The following FRAS1 variants were observed in gnomAD, a reference collection of about 807,000 sequenced individuals.
The protein encoded by FRAS1 is extracellular matrix organizing protein FRAS1.
A neutral mutation model predicts 435.2 loss-of-function variants in FRAS1; 290 were observed. The observed-to-expected ratio is 0.67, with a 90% CI of 0.61 to 0.73. FRAS1 has a LOEUF of 0.73. Among genes scored for constraint, FRAS1 ranks in the 30% least tolerant of loss-of-function variants. The probability of loss-of-function intolerance (pLI) is 0.00; values close to 1 mark genes in which losing one functional copy is unlikely to be tolerated. For synonymous variants in FRAS1, 1,800 were observed against 1,851.0 expected, an observed-to-expected ratio of 0.97 and a Z score of 0.71; for missense variants, 4,860 against 5,001.5, an observed-to-expected ratio of 0.97 and a Z score of 0.85.
At chr4:78,240,877 A>G (rs1327820957) in intron 3 of FRAS1, among the ~76,000 whole-genome samples, 2 of 152,196 alleles carry the variant, frequency 1.3e-5, no homozygotes, top group Admixed American at 1.3e-4. Context: ...ATGGTCAAAG[A>G]AGAGAGTAAT....
rs1044776713 is a variant in FRAS1 at position 78,473,210 on chromosome 4, C to T, written c.7523-228C>T. On this transcript the variant is annotated intron_variant, in intron 52 of 73. Coordinates refer to ENST00000512123, the MANE Select transcript of FRAS1 (RefSeq NM_025074.7). ...TTTATAACAGCATAAGAGATATTTA[C>T]AATATCTCTGTACTTAAAGACAGAT... Among the ~76,000 whole-genome samples, 80 of 152,104 alleles carry T rather than the reference C, an allele frequency of 5.3e-4. 3 individuals are homozygous for T. The highest frequency in any genetic ancestry group is 1.5e-5 in the Non-Finnish European group (1 of 68,014).
Position 78,284,657 on chromosome 4 carries a change from A to G in FRAS1, c.1399+109A>G, listed in dbSNP as rs556206303. On this transcript the variant is annotated intron_variant, in intron 13 of 73. Coordinates refer to ENST00000512123, the MANE Select transcript of FRAS1 (RefSeq NM_025074.7). ...AGTATTGTCAAGGAGGGGGTCATGC[A>G]TGCAGCATGTTTTTGAGATGCACAA... 5.0e-6 allele frequency: 5 copies of G among 1,001,762 alleles called. No homozygotes were observed. In the African/African-American group the frequency reaches 6.6e-5, roughly 13 times the overall value. The allele number at this position is 1,001,762 out of a possible 1,614,324, so 62.1% of individuals were successfully genotyped here.
intron 2 of FRAS1, among the ~76,000 whole-genome samples, chr4:78,192,570 A>G (rs544534395): frequency 5.3e-5 from 8 of 152,210 alleles, no homozygotes; most frequent in East Asian, 1.9e-4. Context: ...AGAGGTGTTT[A>G]TAGTATTCTC....
At chr4:78,065,081 T>TATATGTATATATATACACACACAC in intron 1 of FRAS1, among the ~76,000 whole-genome samples, 1 of 125,696 alleles carries the variant, frequency 8.0e-6, no homozygotes, top group African/African-American at 3.0e-5. Flanking sequence ...TATATATATA[T>TATATGTATATATATACACACACAC]ATACATACAC....
At chr4:78,236,287 C>T (rs1220669235) in intron 2 of FRAS1, among the ~76,000 whole-genome samples, 2 of 142,810 alleles carry the variant, frequency 1.4e-5, no homozygotes, top group Admixed American at 1.4e-4. Context: ...GAAATAGTTG[C>T]ATTTATTTAT....
chr4:78,117,164 C>T (rs1317512264), intron 2 of FRAS1, among the ~76,000 whole-genome samples: 1 of 152,220 alleles, frequency 6.6e-6, no homozygotes, highest in Non-Finnish European at 1.5e-5. Context: ...TTGGCCCCCA[C>T]TCTCTTCTGG....
In FRAS1 at chr4:78,400,678, G is replaced by A. The variant is rs1732848348; in HGVS notation, c.3976-56G>A. 3 of 1,535,860 alleles carry A rather than the reference G, an allele frequency of 2.0e-6. No homozygotes were observed. The Admixed American group carries it at 5.9e-5, about 30-fold the overall frequency. On this transcript the variant is annotated intron_variant, in intron 29 of 73. Coordinates refer to ENST00000512123, the MANE Select transcript of FRAS1 (RefSeq NM_025074.7). ...GAACTGGATAACTTATGTGTTTAAGGATTGATATATTCTTACTTTGCTTGG... is the reference window on the plus strand; with the variant it reads ...GAACTGGATAACTTATGTGTTTAAGAATTGATATATTCTTACTTTGCTTGG...
At chr4:78,500,882 C>T (rs13132231) in intron 61 of FRAS1, among the ~76,000 whole-genome samples, 49,851 of 151,700 alleles carry the variant, frequency 0.33, 8,870 homozygotes, top group South Asian at 0.52. Flanking sequence ...GAACTTAACC[C>T]GGATGTCTGT....
chr4:78,335,981 G>T (rs1730157291), intron 19 of FRAS1, among the ~76,000 whole-genome samples: 1 of 149,748 alleles, frequency 6.7e-6, no homozygotes, highest in Admixed American at 6.7e-5. Flanking sequence ...AAAATAGACA[G>T]TTGGGGCCTG....
intron 53 of FRAS1, 99 bp downstream of exon 53, chr4:78,473,696 A>G (rs774171672): frequency 1.8e-5 from 14 of 773,678 alleles, no homozygotes; most frequent in Non-Finnish European, 2.8e-5. Context: ...TCACCTCTTG[A>G]TGGCGGTGAT....
chr4:78,370,498 G>A (rs1052245505), intron 23 of FRAS1, among the ~76,000 whole-genome samples: 6 of 152,126 alleles, frequency 3.9e-5, no homozygotes, highest in South Asian at 4.1e-4. Flanking sequence ...TGTAGCTGTC[G>A]TCCCTGCTGG....
rs550798758 is a variant in FRAS1 at position 78,093,293 on chromosome 4, G to A, written c.108+27277G>A. Among the ~76,000 whole-genome samples, 11 of 152,256 alleles carry A rather than the reference G, an allele frequency of 7.2e-5. No homozygotes were observed. In the East Asian group the frequency reaches 1.9e-3, roughly 27 times the overall value. ...CTGGTAGAGCCAAAACTGTGCAGGC[G>A]CCATGAAAAAATAAAATTCCAGTAA... On this transcript the variant is annotated intron_variant, in intron 2 of 73. Coordinates refer to ENST00000512123, the MANE Select transcript of FRAS1 (RefSeq NM_025074.7).
At chr4:78,079,046 T>C (rs553389635) in intron 2 of FRAS1, among the ~76,000 whole-genome samples, 1 of 152,306 alleles carries the variant, frequency 6.6e-6, no homozygotes, top group Admixed American at 6.5e-5. Context: ...TAAATCATCG[T>C]AGATTAACTT....
In FRAS1 at chr4:78,267,389, T is replaced by A. The variant is rs1560614745; in HGVS notation, c.938T>A (p.Val313Glu). The A allele has an allele frequency of 6.2e-7, 1 of 1,613,944 alleles. No individual in the cohort carries two copies. Reference protein sequence around the residue: ...CEFCMCDHGQVTCQTGECAKV... With the variant: ...CEFCMCDHGQETCQTGECAKV... Reference sequence around the variant, plus strand: ...TTCTGCATGTGTGATCATGGCCAAGTGACCTGCCAGACTGGAGAGTGTGCC... The same window carrying A: ...TTCTGCATGTGTGATCATGGCCAAGAGACCTGCCAGACTGGAGAGTGTGCC... Residue 313 changes from valine to glutamate, a missense_variant, in exon 9 of 74, where the codon GTG (valine) becomes GAG (glutamate). By Grantham distance (121) the Val-to-Glu change is moderately radical (BLOSUM62 -2). Transcript: ENST00000512123.
chr4:78,094,737 T>C (rs886186921), intron 2 of FRAS1, among the ~76,000 whole-genome samples: 17 of 152,322 alleles, frequency 1.1e-4, no homozygotes, highest in African/African-American at 3.6e-4. Flanking sequence ...TGGCAATTGA[T>C]TACTTAATTC....
intron 61 of FRAS1, among the ~76,000 whole-genome samples, chr4:78,500,932 A>G (rs1720658635): frequency 6.6e-6 from 1 of 152,118 alleles, no homozygotes; most frequent in Non-Finnish European, 1.5e-5. Flanking sequence ...AGGTATTTGC[A>G]CCTTCAGAAA....
At chr4:78,242,409 G>A (rs973734430) in intron 3 of FRAS1, among the ~76,000 whole-genome samples, 2 of 152,136 alleles carry the variant, frequency 1.3e-5, no homozygotes, top group Non-Finnish European at 2.9e-5. Context: ...TGTGGCACAA[G>A]TTCATGAATC....
intron 64 of FRAS1, among the ~76,000 whole-genome samples, chr4:78,512,154 C>G (rs538232118): frequency 6.6e-6 from 1 of 152,012 alleles, no homozygotes; most frequent in Admixed American, 6.5e-5. Context: ...TCTGGGCCAC[C>G]ATGATGGGAA....
At chr4:78,356,961 A>T (rs1314651319) in intron 20 of FRAS1, among the ~76,000 whole-genome samples, 1 of 152,078 alleles carries the variant, frequency 6.6e-6, no homozygotes, top group African/African-American at 2.4e-5. Context: ...CTTGACTTAC[A>T]ATGTCTTGCA....
Sources: gnomAD v4.1 joint callset for allele counts (sites outside exome capture counted in the v4.1 genomes callset) on GRCh38, gnomAD v4.1.1 for gene constraint, MANE v1.5 for transcripts, NCBI Gene and HGNC (gene_info 2026-07-23, HGNC 2026-07-21) for gene names.